ARFIP1: variants seen among roughly 807,000 people sequenced by gnomAD.
ARFIP1 encodes arfaptin-1.
ARFIP1 carries 24 observed loss-of-function variants against 42.5 expected under a neutral mutation model. That is an observed-to-expected ratio of 0.57 (90% CI 0.41 to 0.80). The LOEUF (loss-of-function observed/expected upper bound fraction) is 0.80, where lower values mean the gene tolerates loss of function less well. Among genes scored for constraint, ARFIP1 ranks in the 30% least tolerant of loss-of-function variants. ARFIP1 has a pLI of 0.00. For synonymous variants in ARFIP1, 141 were observed against 153.7 expected (o/e 0.92, Z 0.61); for missense variants, 354 against 434.0 (o/e 0.82, Z 1.64).
intron 1 of ARFIP1, among the ~76,000 whole-genome samples, chr4:152,791,636 A>G (rs1731150022): frequency 6.6e-6 from 1 of 152,090 alleles, no homozygotes; most frequent in Non-Finnish European, 1.5e-5. Flanking sequence ...ATTTCTTAGT[A>G]TTTTATTTTG....
intron 2 of ARFIP1, 67 bp downstream of exon 2, chr4:152,829,793 T>A: frequency 8.0e-7 from 1 of 1,244,152 alleles, no homozygotes; most frequent in Non-Finnish European, 1.1e-6. Context: ...GAGATGAAAG[T>A]AATAGACAAA....
intron 7 of ARFIP1, among the ~76,000 whole-genome samples, chr4:152,887,752 A>T (rs1023721125): frequency 1.3e-5 from 2 of 152,054 alleles, no homozygotes; most frequent in Non-Finnish European, 2.9e-5. Context: ...TAGTTTTAGT[A>T]TGCCATTCTA....
At chr4:152,869,489 A>C (rs758664901) in intron 3 of ARFIP1, among the ~76,000 whole-genome samples, 2 of 148,456 alleles carry the variant, frequency 1.3e-5, no homozygotes, top group Non-Finnish European at 3.0e-5. Flanking sequence ...TGGCTTTGTC[A>C]CTCAGGTTGG....
chr4:152,795,158 G>A (rs1180936445), intron 1 of ARFIP1, among the ~76,000 whole-genome samples: 2 of 148,496 alleles, frequency 1.3e-5, no homozygotes, highest in Admixed American at 6.7e-5. Context: ...TATCCTTCCG[G>A]TGTTTTTGTT....
intron 2 of ARFIP1, among the ~76,000 whole-genome samples, chr4:152,841,626 G>A (rs987023924): frequency 5.3e-5 from 8 of 152,148 alleles, no homozygotes; most frequent in African/African-American, 1.9e-4. Flanking sequence ...GAAAACGACT[G>A]TATCTTTCCT....
At chr4:152,794,158 A>G (rs1021913799) in intron 1 of ARFIP1, among the ~76,000 whole-genome samples, 1 of 152,174 alleles carries the variant, frequency 6.6e-6, no homozygotes, top group African/African-American at 2.4e-5. Flanking sequence ...GAACATTGAT[A>G]TAATATTATT....
chr4:152,853,897 C>T (rs1733199113), intron 2 of ARFIP1, among the ~76,000 whole-genome samples: 1 of 138,412 alleles, frequency 7.2e-6, no homozygotes, highest in African/African-American at 2.7e-5. Flanking sequence ...TCTTCAAGTT[C>T]TGAGATTCTT....
chr4:152,856,540 T>G (rs1325954447), intron 2 of ARFIP1, among the ~76,000 whole-genome samples: 3 of 152,204 alleles, frequency 2.0e-5, no homozygotes, highest in African/African-American at 7.2e-5. Flanking sequence ...ATCTAGAGAT[T>G]AAAGTATACG....
chr4:152,798,081 A>C (rs1578818338), intron 1 of ARFIP1, among the ~76,000 whole-genome samples: 1 of 152,272 alleles, frequency 6.6e-6, no homozygotes, highest in African/African-American at 2.4e-5. Flanking sequence ...AACATGGCGA[A>C]ACTCTGTCTC....
chr4:152,822,571 A>G (rs1165420466), intron 1 of ARFIP1, among the ~76,000 whole-genome samples: 1 of 152,224 alleles, frequency 6.6e-6, no homozygotes, highest in African/African-American at 2.4e-5. Context: ...TAGATCTAAC[A>G]TATTTATAGA....
intron 2 of ARFIP1, chr4:152,850,801 T>C (rs1732918081): frequency 6.6e-6 from 1 of 152,194 alleles, no homozygotes; most frequent in Non-Finnish European, 1.5e-5. Flanking sequence ...AACAATAGAA[T>C]ATTGATAAGT....
At chr4:152,795,160 GTTTT>G (rs1731364055) in intron 1 of ARFIP1, among the ~76,000 whole-genome samples, 1 of 147,508 alleles carries the variant, frequency 6.8e-6, no homozygotes, top group African/African-American at 2.6e-5. Flanking sequence ...TCCTTCCGGT[GTTTT>G]TGTTTGTTTG....
chr4:152,856,458 A>T (rs1467222874), intron 2 of ARFIP1, among the ~76,000 whole-genome samples: 1 of 152,270 alleles, frequency 6.6e-6, no homozygotes, highest in Non-Finnish European at 1.5e-5. Context: ...ATTAAAAATA[A>T]TACAGATTTA....
intron 1 of ARFIP1, among the ~76,000 whole-genome samples, chr4:152,824,662 T>C (rs1467556766): frequency 6.6e-6 from 1 of 152,130 alleles, no homozygotes; most frequent in Non-Finnish European, 1.5e-5. Flanking sequence ...CTGCTTCTAT[T>C]CAACATATTA....
intron 1 of ARFIP1, among the ~76,000 whole-genome samples, chr4:152,806,016 C>T (rs1383782187): frequency 6.6e-6 from 1 of 152,244 alleles, no homozygotes; most frequent in Admixed American, 6.5e-5. Flanking sequence ...AAATATACAT[C>T]ATACTTGGCT....
At chr4:152,889,591 AT>A (rs1338525645) in intron 8 of ARFIP1, among the ~76,000 whole-genome samples, 5 of 121,576 alleles carry the variant, frequency 4.1e-5, no homozygotes, top group Admixed American at 1.8e-4. Flanking sequence ...ATATATACAC[AT>A]AAATATATAT....
Position 152,780,212 on chromosome 4 carries a change from G to GT in ARFIP1, c.-22dup, listed in dbSNP as rs1370535459. The GT allele has an allele frequency of 4.6e-5, 7 of 152,312 alleles. 1 individual carries two copies. The highest frequency in any genetic ancestry group is 2.0e-4 in the Admixed American group (3 of 15,282). The allele number at this position is 152,312 out of a possible 1,614,324, so 9.4% of individuals were successfully genotyped here. On this transcript the variant is annotated 5_prime_UTR_variant, in exon 1 of 9. Coordinates refer to ENST00000353617, the MANE Select transcript of ARFIP1 (RefSeq NM_001025595.3). ...TAAGCCTCGACTTAGAAGCTACCGA[G>GT]TTACCCTAAGAAAGGTGAGGGCGGA...
Position 152,881,655 on chromosome 4 carries a change from A to G in ARFIP1, c.633+471A>G, listed in dbSNP as rs537618735. On this transcript the variant is annotated intron_variant, in intron 6 of 8. Transcript: ENST00000353617. ...TAGTTTTTACATGCATTGATTGGTA[A>G]TCTTTTTATGTGGTCCTTTATCTGC... Among the ~76,000 whole-genome samples, 9 of 152,202 alleles carry G rather than the reference A, an allele frequency of 5.9e-5. No homozygotes were observed. In the South Asian group the frequency reaches 1.7e-3, roughly 28 times the overall value.
chr4:152,854,616 G>A (rs1733272617), intron 2 of ARFIP1, among the ~76,000 whole-genome samples: 1 of 152,178 alleles, frequency 6.6e-6, no homozygotes, highest in East Asian at 1.9e-4. Context: ...TTGTAGGGGA[G>A]GACTTTTTCC....
Sources: allele counts gnomAD v4.1 joint callset (sites outside exome capture counted in the v4.1 genomes callset), GRCh38; gene constraint gnomAD v4.1.1; transcripts MANE v1.5; gene names NCBI Gene and HGNC (gene_info 2026-07-23, HGNC 2026-07-21).